Variants in TBC1D22A observed in about 807,000 individuals in gnomAD.
TBC1D22A encodes the protein TBC1 domain family member 22A, also known as putative GTPase activator.
TBC1D22A carries 38 observed loss-of-function variants against 60.2 expected under a neutral mutation model. That is an observed-to-expected ratio of 0.63 (90% CI 0.49 to 0.83). The LOEUF is 0.83. Ranked by LOEUF, TBC1D22A falls within the 40% of genes least tolerant of loss-of-function variation. The pLI is 0.00. For synonymous variants in TBC1D22A, 302 were observed against 281.7 expected, an observed-to-expected ratio of 1.07 and a Z score of -0.72; for missense variants, 628 against 701.0, an observed-to-expected ratio of 0.90 and a Z score of 1.18.
At chr22:46,965,914 G>A (rs887656617) in intron 8 of TBC1D22A, among the ~76,000 whole-genome samples, 1 of 152,176 alleles carries the variant, frequency 6.6e-6, no homozygotes, top group East Asian at 1.9e-4. Flanking sequence ...TGCCCACCTC[G>A]TTTCCACAGC....
rs1452493921 is a variant in TBC1D22A at position 46,990,527 on chromosome 22, A to G, written c.1126-7107A>G. On this transcript the variant is annotated intron_variant, in intron 9 of 12. Coordinates refer to ENST00000337137, the MANE Select transcript of TBC1D22A (RefSeq NM_014346.5). The surrounding 1 kb of genome is among the most constrained non-coding windows in gnomAD (Gnocchi z 4.6). Reference sequence around the variant, plus strand: ...CAATATCGATACATTATTGTCAACTAAAGTCCACAGTTTACACCAGTTGTA... The same window carrying G: ...CAATATCGATACATTATTGTCAACTGAAGTCCACAGTTTACACCAGTTGTA... Among the ~76,000 whole-genome samples, 2 of 152,138 alleles carry G rather than the reference A, an allele frequency of 1.3e-5. No homozygotes were observed. The highest frequency in any genetic ancestry group is 4.8e-5 in the African/African-American group (2 of 41,420).
Position 47,089,562 on chromosome 22 carries a change from G to A in TBC1D22A, c.1330-21946G>A, listed in dbSNP as rs73473691. On this transcript the variant is annotated intron_variant, in intron 11 of 12. Coordinates refer to ENST00000337137, the MANE Select transcript of TBC1D22A (RefSeq NM_014346.5). ...CACAAAGGCGGAAAGCCTGGCCTGGGTGAGCTCGTGTGGGAGGAGTGAGGC... is the reference window on the plus strand; with the variant it reads ...CACAAAGGCGGAAAGCCTGGCCTGGATGAGCTCGTGTGGGAGGAGTGAGGC... 8.8e-3 allele frequency among the ~76,000 whole-genome samples: 1,342 copies of A among 152,354 alleles called. 13 individuals are homozygous for A. Among genetic ancestry groups the A allele is most frequent in the African/African-American group, 0.031 (1,281 of 41,572 alleles).
intron 8 of TBC1D22A, chr22:46,915,673 G>C (rs1729139825): frequency 2.2e-6 from 1 of 456,676 alleles, no homozygotes; most frequent in African/African-American, 2.0e-5. Context: ...ATTTCTCCAG[G>C]GGCTTTCAGG....
At chr22:46,845,890 C>T (rs1013010595) in intron 4 of TBC1D22A, among the ~76,000 whole-genome samples, 1 of 152,208 alleles carries the variant, frequency 6.6e-6, no homozygotes, top group African/African-American at 2.4e-5. Context: ...CAGGAAGGAA[C>T]CGCGGCGAGC....
intron 10 of TBC1D22A, among the ~76,000 whole-genome samples, chr22:47,014,498 G>C (rs540609762): frequency 6.6e-6 from 1 of 152,184 alleles, no homozygotes; most frequent in Non-Finnish European, 1.5e-5. Flanking sequence ...GTCAGGGCCC[G>C]GGGGTAGGGG....
At chr22:46,862,969 C>A (rs933647971) in intron 4 of TBC1D22A, among the ~76,000 whole-genome samples, 1 of 152,244 alleles carries the variant, frequency 6.6e-6, no homozygotes, top group East Asian at 1.9e-4. Flanking sequence ...GTCTCTGGTC[C>A]GTGGGCTTCC....
chr22:46,893,761 G>GCCTCCTCCTCTTCCT (rs1569184327), intron 6 of TBC1D22A, among the ~76,000 whole-genome samples: 1 of 152,222 alleles, frequency 6.6e-6, no homozygotes, highest in Non-Finnish European at 1.5e-5. Context: ...TGCTGCTTCT[G>GCCTCCTCCTCTTCCT]CCTCCTCCTC....
intron 8 of TBC1D22A, among the ~76,000 whole-genome samples, chr22:46,956,804 T>C (rs1260118100): frequency 6.6e-6 from 1 of 152,236 alleles, no homozygotes; most frequent in African/African-American, 2.4e-5. Context: ...AGGCACTTCC[T>C]CTGTCTTTCA....
chr22:47,139,252 G>C (rs1290483211), intron 12 of TBC1D22A, among the ~76,000 whole-genome samples: 1 of 152,230 alleles, frequency 6.6e-6, no homozygotes, highest in Non-Finnish European at 1.5e-5. Flanking sequence ...CTGGCCCTTG[G>C]TTCCAGTTGC....
chr22:46,920,603 C>T (rs1220268284), intron 8 of TBC1D22A, among the ~76,000 whole-genome samples: 10 of 152,082 alleles, frequency 6.6e-5, no homozygotes, highest in African/African-American at 1.2e-4. Flanking sequence ...GGGACTGTGT[C>T]GCATGCGTGT....
chr22:46,958,703 G>T (rs2073342516), intron 8 of TBC1D22A, among the ~76,000 whole-genome samples: 1 of 152,192 alleles, frequency 6.6e-6, no homozygotes, highest in Non-Finnish European at 1.5e-5. Context: ...AGTTTTCTGT[G>T]TTCCAAAGGA....
At chr22:46,934,196 C>T (rs528477542) in intron 8 of TBC1D22A, among the ~76,000 whole-genome samples, 133 of 152,270 alleles carry the variant, frequency 8.7e-4, no homozygotes, top group African/African-American at 3.1e-3. Context: ...TTTCTCTTTG[C>T]AGATAACTAA....
chr22:46,953,027 T>A (rs1051680255), intron 8 of TBC1D22A, among the ~76,000 whole-genome samples: 1 of 152,188 alleles, frequency 6.6e-6, no homozygotes, highest in African/African-American at 2.4e-5. Context: ...CTTCCCATAC[T>A]GCACTCTCTG....
chr22:47,103,212 C>T (rs1340525869), intron 11 of TBC1D22A, among the ~76,000 whole-genome samples: 1 of 152,064 alleles, frequency 6.6e-6, no homozygotes, highest in Non-Finnish European at 1.5e-5. Flanking sequence ...TACTCTTAGT[C>T]TTGGGGCTGG....
At chr22:47,003,171 G>A (rs2061452058) in intron 10 of TBC1D22A, among the ~76,000 whole-genome samples, 1 of 152,044 alleles carries the variant, frequency 6.6e-6, no homozygotes, top group Admixed American at 6.5e-5. Flanking sequence ...TTTAATATAA[G>A]TATGCCCTGA....
intron 8 of TBC1D22A, among the ~76,000 whole-genome samples, chr22:46,971,572 G>A (rs136107): frequency 2.0e-5 from 3 of 152,314 alleles, no homozygotes; most frequent in Non-Finnish European, 1.5e-5. Flanking sequence ...TGATGCCAGG[G>A]GGAGGCCACT....
At chr22:46,947,624 G>A (rs2072631415) in intron 8 of TBC1D22A, among the ~76,000 whole-genome samples, 2 of 152,216 alleles carry the variant, frequency 1.3e-5, no homozygotes, top group African/African-American at 4.8e-5. Context: ...GTGTTCGTCT[G>A]TGTTGCACGT....
chr22:47,133,980 C>T (rs555659159), intron 12 of TBC1D22A, among the ~76,000 whole-genome samples: 6 of 152,202 alleles, frequency 3.9e-5, no homozygotes, highest in African/African-American at 1.2e-4. Context: ...TACCCTTTCT[C>T]GTGGGCCTGG....
intron 12 of TBC1D22A, among the ~76,000 whole-genome samples, chr22:47,130,063 G>C (rs1026346933): frequency 6.6e-6 from 1 of 152,196 alleles, no homozygotes; most frequent in Non-Finnish European, 1.5e-5. Context: ...TGTCACCTGG[G>C]TGGGGCTGTG....
Sources: gnomAD v4.1 joint callset for allele counts (sites outside exome capture counted in the v4.1 genomes callset) on GRCh38, gnomAD v4.1.1 for gene constraint, Gnocchi (gnomAD v3.1) non-coding constraint, MANE v1.5 for transcripts, NCBI Gene and HGNC (gene_info 2026-07-23, HGNC 2026-07-21) for gene names.